MACROD2: variants seen among roughly 807,000 people sequenced by gnomAD.
MACROD2 encodes mono-ADP ribosylhydrolase 2, also known as ADP-ribose glycohydrolase MACROD2.
A neutral mutation model predicts 70.4 loss-of-function variants in MACROD2; 36 were observed. The ratio of observed to expected loss-of-function variants is 0.51; its 90% confidence interval spans 0.39 to 0.68. MACROD2 has a LOEUF of 0.68. MACROD2 is among the 30% of genes least tolerant of loss of function. The probability of loss-of-function intolerance (pLI) is 0.00; values close to 1 mark genes in which losing one functional copy is unlikely to be tolerated. For synonymous variants in MACROD2, 172 were observed against 178.8 expected (o/e 0.96, Z 0.30); for missense variants, 496 against 538.4 (o/e 0.92, Z 0.78).
At chr20:14,006,332 T>C (rs1444695338) in intron 2 of MACROD2, among the ~76,000 whole-genome samples, 1 of 152,216 alleles carries the variant, frequency 6.6e-6, no homozygotes, top group Non-Finnish European at 1.5e-5. Context: ...TCAACAGTTA[T>C]TACACGGCCA....
At chr20:14,877,413 A>T (rs2073562833) in intron 5 of MACROD2, among the ~76,000 whole-genome samples, 1 of 151,884 alleles carries the variant, frequency 6.6e-6, no homozygotes, top group South Asian at 2.1e-4. Flanking sequence ...AGACATTTTG[A>T]CTTTTTTTTC....
intron 8 of MACROD2, among the ~76,000 whole-genome samples, chr20:15,524,041 C>T (rs1018549663): frequency 1.3e-5 from 2 of 152,154 alleles, no homozygotes; most frequent in Admixed American, 6.5e-5. Context: ...GGCTCACACT[C>T]ATCCTGATGC....
intron 8 of MACROD2, among the ~76,000 whole-genome samples, chr20:15,725,955 G>A (rs893468440): frequency 1.3e-5 from 2 of 151,778 alleles, no homozygotes; most frequent in African/African-American, 4.8e-5. Flanking sequence ...CCTTTATATA[G>A]GTAAATCTAC....
rs1321130970 is a variant in MACROD2, at chr20:15,401,555, G to A, written c.541-29850G>A. Among the ~76,000 whole-genome samples, 5 of 152,272 alleles carry A rather than the reference G, an allele frequency of 3.3e-5. No homozygotes were observed. In the Middle Eastern group the frequency reaches 0.01, roughly 311 times the overall value. ...CAGAACCACACTTTGCTGCTAGATG[G>A]TGCTGGGAAAATTACCAAACCTCTC... On this transcript the variant is annotated intron_variant, in intron 6 of 17. Transcript: ENST00000684519.
intron 6 of MACROD2, among the ~76,000 whole-genome samples, chr20:15,299,507 G>A (rs1435072023): frequency 6.6e-6 from 1 of 152,142 alleles, no homozygotes; most frequent in Admixed American, 6.5e-5. Flanking sequence ...TCATTTTAAG[G>A]CCCAGAGTAT....
intron 5 of MACROD2, among the ~76,000 whole-genome samples, chr20:15,080,562 C>T (rs2075695628): frequency 6.6e-6 from 1 of 152,062 alleles, no homozygotes; most frequent in South Asian, 2.1e-4. Flanking sequence ...AGTTCTTGGA[C>T]CCTTTTTCTT....
chr20:14,524,781 C>T (rs1367889235), intron 4 of MACROD2, among the ~76,000 whole-genome samples: 4 of 152,178 alleles, frequency 2.6e-5, no homozygotes, highest in African/African-American at 4.8e-5. Context: ...TTAACCTTCT[C>T]GCTAGCTTCC....
intron 4 of MACROD2, among the ~76,000 whole-genome samples, chr20:14,520,183 C>T (rs2085150288): frequency 6.6e-6 from 1 of 152,122 alleles, no homozygotes; most frequent in African/African-American, 2.4e-5. Flanking sequence ...ACATGTATAG[C>T]AAACCTGCAC....
intron 5 of MACROD2, among the ~76,000 whole-genome samples, chr20:14,818,984 G>A (rs1271889650): frequency 6.6e-6 from 1 of 151,698 alleles, no homozygotes; most frequent in Non-Finnish European, 1.5e-5. Context: ...CACAAGCTTG[G>A]CTGGGCATGG....
intron 4 of MACROD2, among the ~76,000 whole-genome samples, chr20:14,644,143 T>G (rs1276244511): frequency 1.3e-5 from 2 of 152,180 alleles, no homozygotes; most frequent in Non-Finnish European, 2.9e-5. Context: ...CTTTTGTGAG[T>G]CTAAGAAACA....
intron 8 of MACROD2, among the ~76,000 whole-genome samples, chr20:15,546,477 A>C (rs1237728846): frequency 1.3e-5 from 2 of 152,198 alleles, no homozygotes; most frequent in Non-Finnish European, 2.9e-5. Context: ...TGATTTCAAG[A>C]TATCTCAATA....
chr20:14,485,719 A>AAG (rs2084720783), intron 3 of MACROD2, among the ~76,000 whole-genome samples: 1 of 97,878 alleles, frequency 1.0e-5, no homozygotes, highest in Non-Finnish European at 2.1e-5. Context: ...AAAAAAAAAA[A>AAG]AAAAGACCAT....
intron 3 of MACROD2, among the ~76,000 whole-genome samples, chr20:14,359,971 G>C (rs984552814): frequency 2.6e-5 from 4 of 152,040 alleles, no homozygotes; most frequent in African/African-American, 9.7e-5. Flanking sequence ...TTAACGTGGA[G>C]AACGTTATCT....
chr20:15,196,839 T>C (rs1194802738), intron 5 of MACROD2: 2 of 984,990 alleles, frequency 2.0e-6, no homozygotes, highest in Admixed American at 1.2e-4. Flanking sequence ...GCCTGAGTCT[T>C]ATCCATACCA....
intron 5 of MACROD2, among the ~76,000 whole-genome samples, chr20:15,036,372 T>C (rs1372964261): frequency 6.6e-6 from 1 of 152,118 alleles, no homozygotes; most frequent in African/African-American, 2.4e-5. Context: ...CAAAGTGTAG[T>C]TCCCAGATCA....
intron 3 of MACROD2, among the ~76,000 whole-genome samples, chr20:14,179,484 T>A (rs2081289903): frequency 6.6e-6 from 1 of 152,216 alleles, no homozygotes; most frequent in African/African-American, 2.4e-5. Flanking sequence ...ATAAATGTAC[T>A]ATTCTGTCTA....
At chr20:15,483,025 C>T (rs1482379860) in intron 7 of MACROD2, among the ~76,000 whole-genome samples, 1 of 152,072 alleles carries the variant, frequency 6.6e-6, no homozygotes, top group East Asian at 1.9e-4. Flanking sequence ...CTTGCCTTCT[C>T]ATTCTATTGA....
At chr20:15,062,379 A>G (rs1224938187) in intron 5 of MACROD2, among the ~76,000 whole-genome samples, 1 of 152,108 alleles carries the variant, frequency 6.6e-6, no homozygotes, top group Non-Finnish European at 1.5e-5. Context: ...CTTACGTAAA[A>G]ATTATTATTT....
chr20:14,792,255 T>C (rs1161617658), intron 5 of MACROD2, among the ~76,000 whole-genome samples: 3 of 152,116 alleles, frequency 2.0e-5, no homozygotes, highest in African/African-American at 7.2e-5. Flanking sequence ...ATAAGACTGT[T>C]AGATTAGTTC....
Sources: allele counts gnomAD v4.1 joint callset (sites outside exome capture counted in the v4.1 genomes callset), GRCh38; gene constraint gnomAD v4.1.1; transcripts MANE v1.5; gene names NCBI Gene and HGNC (gene_info 2026-07-23, HGNC 2026-07-21).